Variants in STK38L observed in about 807,000 individuals in gnomAD.
STK38L encodes the protein serine/threonine kinase 38 like.
A neutral mutation model predicts 59.7 loss-of-function variants in STK38L; 28 were observed. The ratio of observed to expected loss-of-function variants is 0.47; its 90% CI spans 0.35 to 0.64. The LOEUF (loss-of-function observed/expected upper bound fraction) is 0.64. Among genes scored for constraint, STK38L ranks in the 30% least tolerant of loss-of-function variants. The pLI is 0.01. For missense variants in STK38L, 314 were observed against 555.8 expected (o/e 0.56, Z 4.37); for synonymous variants, 162 against 176.8 (o/e 0.92, Z 0.66).
At chr12:27,314,392 C>G in intron 6 of STK38L, 112 bp from the exon 7 acceptor site, 1 of 865,688 alleles carries the variant, frequency 1.2e-6, no homozygotes. Flanking sequence ...CAGAGTGAGA[C>G]TCTGTCTCCA....
rs2136656161 is a variant in STK38L at position 27,324,606 on chromosome 12, A to G, written c.*2151A>G. On this transcript the variant is annotated 3_prime_UTR_variant, in exon 14 of 14. Coordinates refer to ENST00000389032, the MANE Select transcript of STK38L (RefSeq NM_015000.4). ...TCTTATTACCAGAAAGAGCTTGCAA[A>G]TAGTTTTACTTTCTTGGCACTGGAA... 1 of 152,184 alleles carries G rather than the reference A, an allele frequency of 6.6e-6. No homozygotes were observed. The highest frequency in any genetic ancestry group is 2.1e-4 in the South Asian group (1 of 4,824). The allele number at this position is 152,184 out of a possible 1,614,324, so 9.4% of individuals were successfully genotyped here.
At chr12:27,280,168 T>C (rs1943623025) in intron 1 of STK38L, among the ~76,000 whole-genome samples, 2 of 152,214 alleles carry the variant, frequency 1.3e-5, no homozygotes, top group Non-Finnish European at 2.9e-5. Flanking sequence ...CTAAGATATA[T>C]AGTAGTCATG....
rs901244493 is a variant in STK38L, at chr12:27,308,649, G to A, written c.309+188G>A. 4.6e-5 allele frequency among the ~76,000 whole-genome samples: 7 copies of A among 151,590 alleles called. No individual in the cohort carries two copies. The highest frequency in any genetic ancestry group is 7.4e-5 in the Non-Finnish European group (5 of 67,920). ...AGACCAGCCTGGCCAGTGAAACCCCGTCTCTATAAAAATACAAAAATTAGC... is the reference window on the plus strand; with the variant it reads ...AGACCAGCCTGGCCAGTGAAACCCCATCTCTATAAAAATACAAAAATTAGC... On this transcript the variant is annotated intron_variant, in intron 4 of 13. Transcript: ENST00000389032. This position sits in a 1 kb window ranked among gnomAD's most constrained non-coding sequence, Gnocchi z 4.5.
chr12:27,287,183 G>A (rs1943791865), intron 1 of STK38L, among the ~76,000 whole-genome samples: 1 of 149,944 alleles, frequency 6.7e-6, no homozygotes, highest in Non-Finnish European at 1.5e-5. Flanking sequence ...TTGGCTCACT[G>A]CAACCTCCGC....
chr12:27,295,452 C>T (rs1462194087), intron 1 of STK38L, among the ~76,000 whole-genome samples: 1 of 152,148 alleles, frequency 6.6e-6, no homozygotes, highest in Non-Finnish European at 1.5e-5. Flanking sequence ...TGACTTCTAC[C>T]TTCTGTAATT....
intron 1 of STK38L, among the ~76,000 whole-genome samples, chr12:27,265,265 T>C (rs973678998): frequency 7.2e-5 from 11 of 152,196 alleles, no homozygotes; most frequent in African/African-American, 2.4e-5. Flanking sequence ...ATAGGAAATA[T>C]GTATGTGTGT....
chr12:27,275,374 A>G (rs1052716873), intron 1 of STK38L, among the ~76,000 whole-genome samples: 1 of 111,768 alleles, frequency 8.9e-6, no homozygotes, highest in African/African-American at 3.5e-5. Flanking sequence ...ACGGAGTTTC[A>G]TTCTTGTTGC....
chr12:27,248,517 C>T (rs1379669340), intron 1 of STK38L, among the ~76,000 whole-genome samples: 2 of 152,116 alleles, frequency 1.3e-5, no homozygotes, highest in Non-Finnish European at 2.9e-5. Flanking sequence ...AAAAGTATAC[C>T]TAGGCAGGGA....
chr12:27,271,368 GA>G (rs1232958912), intron 1 of STK38L, among the ~76,000 whole-genome samples: 2 of 152,226 alleles, frequency 1.3e-5, no homozygotes, highest in Non-Finnish European at 2.9e-5. Context: ...TACTTTTAAG[GA>G]AGGAGCAAAA....
intron 1 of STK38L, among the ~76,000 whole-genome samples, chr12:27,294,680 C>T (rs567391899): frequency 8.6e-5 from 13 of 151,710 alleles, no homozygotes; most frequent in South Asian, 4.2e-4. Flanking sequence ...TTTCTATACA[C>T]GATCCCTGTT....
intron 1 of STK38L, among the ~76,000 whole-genome samples, chr12:27,296,203 A>G (rs147572249): frequency 2.6e-5 from 4 of 152,216 alleles, no homozygotes; most frequent in African/African-American, 4.8e-5. Context: ...CTGATATATA[A>G]CCATACTCAG....
chr12:27,244,861 C>G (rs1176940192), intron 1 of STK38L, among the ~76,000 whole-genome samples: 1 of 152,228 alleles, frequency 6.6e-6, no homozygotes, highest in African/African-American at 2.4e-5. Context: ...CCACGGAGTG[C>G]TCAAAACCAG....
intron 5 of STK38L, among the ~76,000 whole-genome samples, chr12:27,311,581 C>T (rs373683957): frequency 2.1e-5 from 3 of 145,710 alleles, no homozygotes; most frequent in Non-Finnish European, 4.7e-5. Flanking sequence ...CATAAATTAT[C>T]CAGTTTATAA....
chr12:27,316,483 A>G (rs1944587133), intron 9 of STK38L, among the ~76,000 whole-genome samples: 1 of 152,150 alleles, frequency 6.6e-6, no homozygotes, highest in African/African-American at 2.4e-5. Context: ...CAAGCCTTAG[A>G]TCGAGTGTTT....
rs533883582 is a variant in STK38L at position 27,299,081 on chromosome 12, CAAGT to C, written c.134+1231_134+1234del. 4.4e-4 allele frequency among the ~76,000 whole-genome samples: 67 copies of C among 152,168 alleles called. No individual in the cohort carries two copies. The Middle Eastern group carries it at 0.014, about 31-fold the overall frequency. On this transcript the variant is annotated intron_variant, in intron 2 of 13. Coordinates refer to ENST00000389032, the MANE Select transcript of STK38L (RefSeq NM_015000.4). ...TGTGACAACAACAACAGAGAACTGACAAGTAAGAAAGATTGACAAAATGTGGCTA... is the reference window on the plus strand; with the variant it reads ...TGTGACAACAACAACAGAGAACTGACAAGAAAGATTGACAAAATGTGGCTA...
At position 27,297,618 on chromosome 12, in the gene STK38L, T is replaced by C. The variant is rs190594305; in HGVS notation, c.-11-92T>C. Reference sequence around the variant, plus strand: ...TGTGTTAACTGTTAGGGTCGAATTTTTCTTAGTTGAAATTGAACATTTTCA... The same window carrying C: ...TGTGTTAACTGTTAGGGTCGAATTTCTCTTAGTTGAAATTGAACATTTTCA... On this transcript the variant is annotated intron_variant, in intron 1 of 13. Transcript: ENST00000389032. The C allele has an allele frequency of 1.5e-5, 21 of 1,368,874 alleles. No individual in the cohort carries two copies. In the East Asian group the frequency reaches 5.1e-4, roughly 33 times the overall value. 84.8% of individuals were successfully genotyped at this position (1,368,874 alleles called of 1,614,324 possible). A position where few individuals can be genotyped will look rare whatever the true frequency, so the allele number is the denominator to read the frequency against.
chr12:27,314,937 C>T, intron 7 of STK38L, 78 bp from the exon 8 acceptor site: 3 of 1,063,724 alleles, frequency 2.8e-6, no homozygotes, highest in Non-Finnish European at 4.0e-6. Flanking sequence ...TTATAATTGC[C>T]ATTTAATAGA....
chr12:27,312,018 T>C (rs938813473), intron 5 of STK38L, among the ~76,000 whole-genome samples: 7 of 152,170 alleles, frequency 4.6e-5, no homozygotes, highest in Admixed American at 3.3e-4. Context: ...TAGCCGGGAC[T>C]ACTGGTGTGT....
intron 3 of STK38L, among the ~76,000 whole-genome samples, chr12:27,307,000 A>G (rs1229802134): frequency 6.6e-6 from 1 of 152,188 alleles, no homozygotes; most frequent in East Asian, 1.9e-4. Context: ...AAGTGCTGGG[A>G]TTATAGGCGT....
Sources: gnomAD v4.1 joint callset for allele counts (sites outside exome capture counted in the v4.1 genomes callset) on GRCh38, gnomAD v4.1.1 for gene constraint, Gnocchi (gnomAD v3.1) non-coding constraint, MANE v1.5 for transcripts, NCBI Gene and HGNC (gene_info 2026-07-23, HGNC 2026-07-21) for gene names.